Variants in NBEA observed in about 807,000 individuals in gnomAD.
NBEA encodes the protein lysosomal-trafficking regulator 2.
NBEA carries 44 observed loss-of-function variants against 343.4 expected under a neutral mutation model. That is an observed-to-expected ratio of 0.13 (90% CI 0.10 to 0.16). NBEA has a LOEUF of 0.16. Ranked by LOEUF, NBEA falls within the 10% of genes least tolerant of loss-of-function variation. The pLI, the probability that NBEA is intolerant of heterozygous loss-of-function variation, is 1.00. For missense variants in NBEA, 2,555 were observed against 3,631.3 expected (o/e 0.70, Z 7.62); for synonymous variants, 1,175 against 1,238.7 (o/e 0.95, Z 1.08).
chr13:34,943,979 G>C (rs887003534), intron 1 of NBEA, among the ~76,000 whole-genome samples: 9 of 152,176 alleles, frequency 5.9e-5, no homozygotes, highest in African/African-American at 1.4e-4. Flanking sequence ...AAGATGTCAG[G>C]GAAAGAAATG....
chr13:35,507,353 T>C (rs2077108840), intron 41 of NBEA, among the ~76,000 whole-genome samples: 1 of 152,130 alleles, frequency 6.6e-6, no homozygotes. Context: ...ATCTTATGGC[T>C]TAAATATCCT....
intron 41 of NBEA, among the ~76,000 whole-genome samples, chr13:35,508,632 A>G (rs376278810): frequency 1.3e-5 from 2 of 152,282 alleles, no homozygotes; most frequent in Admixed American, 6.5e-5. Flanking sequence ...GTGGTTGATA[A>G]CATTCATTCA....
At position 35,291,846 on chromosome 13, in the gene NBEA, A is replaced by G. The variant is rs188481226; in HGVS notation, c.5838+1396A>G. Among the ~76,000 whole-genome samples, 15 of 152,076 alleles carry G rather than the reference A, an allele frequency of 9.9e-5. No homozygotes were observed. In the East Asian group the frequency reaches 2.1e-3, roughly 22 times the overall value. ...AACTTTGCCTCAGATATTGATTGAAAGGAAGAGTGAGAAATTTAAGCTCTC... is the reference window on the plus strand; with the variant it reads ...AACTTTGCCTCAGATATTGATTGAAGGGAAGAGTGAGAAATTTAAGCTCTC... On this transcript the variant is annotated intron_variant, in intron 35 of 58. Transcript: ENST00000379939.
intron 44 of NBEA, among the ~76,000 whole-genome samples, chr13:35,564,781 C>T (rs1423046480): frequency 6.6e-6 from 1 of 152,190 alleles, no homozygotes; most frequent in Non-Finnish European, 1.5e-5. Context: ...ATCATTCTCT[C>T]TCATATATAC....
intron 18 of NBEA, 56 bp downstream of exon 18, chr13:35,142,433 T>C (rs2068141790): frequency 1.6e-6 from 2 of 1,242,858 alleles, no homozygotes; most frequent in Non-Finnish European, 2.3e-6. Flanking sequence ...GAAACCCTCT[T>C]AATCTATGCA....
intron 38 of NBEA, among the ~76,000 whole-genome samples, chr13:35,397,055 A>G (rs2042780888): frequency 6.6e-6 from 1 of 152,134 alleles, no homozygotes; most frequent in Admixed American, 6.6e-5. Flanking sequence ...TGTTTTCCTC[A>G]CACTGAAGCC....
intron 1 of NBEA, among the ~76,000 whole-genome samples, chr13:35,000,224 A>G (rs2152523687): frequency 6.6e-6 from 1 of 152,302 alleles, no homozygotes; most frequent in African/African-American, 2.4e-5. Context: ...CAAGAAGGGC[A>G]ATGAACCAGG....
intron 1 of NBEA, among the ~76,000 whole-genome samples, chr13:35,024,946 T>C (rs2061967470): frequency 6.6e-6 from 1 of 152,222 alleles, no homozygotes; most frequent in Non-Finnish European, 1.5e-5. Context: ...TGAGCAAATA[T>C]ACTTGTTGGC....
At chr13:35,102,943 C>T (rs1474932329) in intron 11 of NBEA, among the ~76,000 whole-genome samples, 2 of 151,674 alleles carry the variant, frequency 1.3e-5, no homozygotes, top group East Asian at 3.9e-4. Context: ...CCATCCCTGT[C>T]TTATTCCTGA....
intron 39 of NBEA, among the ~76,000 whole-genome samples, chr13:35,444,080 A>G (rs538792154): frequency 6.6e-6 from 1 of 152,084 alleles, no homozygotes; most frequent in Non-Finnish European, 1.5e-5. Context: ...TATTACTTTT[A>G]TCTCACAGAT....
intron 51 of NBEA, 85 bp downstream of exon 51, chr13:35,646,433 T>A (rs560805456): frequency 5.1e-6 from 5 of 989,222 alleles, no homozygotes; most frequent in Admixed American, 2.1e-5. Flanking sequence ...TTTAACAGCA[T>A]ATTTTAAAAG....
intron 38 of NBEA, among the ~76,000 whole-genome samples, chr13:35,427,834 C>T (rs936952472): frequency 6.6e-5 from 10 of 152,240 alleles, no homozygotes; most frequent in South Asian, 2.1e-4. Flanking sequence ...TCAGCAATGG[C>T]GGGCGCCCCT....
At chr13:35,540,079 G>T (rs2078750163) in intron 41 of NBEA, among the ~76,000 whole-genome samples, 1 of 151,752 alleles carries the variant, frequency 6.6e-6, no homozygotes, top group Non-Finnish European at 1.5e-5. Flanking sequence ...CTGTAATCTT[G>T]TTTCATTCTG....
Position 35,158,324 on chromosome 13 carries a change from A to G in NBEA, c.2845-692A>G, listed in dbSNP as rs1018325452. 3.3e-5 allele frequency among the ~76,000 whole-genome samples: 5 copies of G among 152,142 alleles called. No homozygotes were observed. In the South Asian group the frequency reaches 8.3e-4, roughly 25 times the overall value. On this transcript the variant is annotated intron_variant, in intron 21 of 58. Transcript: ENST00000379939. Reference sequence around the variant, plus strand: ...AGAAAGTCTGTGAACTTTAAAAAATATTAGAAAAGCTTTTGTTTCAATTAT... The same window carrying G: ...AGAAAGTCTGTGAACTTTAAAAAATGTTAGAAAAGCTTTTGTTTCAATTAT...
intron 26 of NBEA, 101 bp from the exon 27 acceptor site, chr13:35,173,363 G>A: frequency 1.9e-6 from 2 of 1,061,038 alleles, no homozygotes; most frequent in Non-Finnish European, 2.6e-6. Flanking sequence ...AGTTTATGAA[G>A]CAAGGGGAAA....
chr13:35,232,033 A>G (rs910735316), intron 33 of NBEA, among the ~76,000 whole-genome samples: 2 of 152,172 alleles, frequency 1.3e-5, no homozygotes, highest in African/African-American at 4.8e-5. Context: ...TTGGCAAAGC[A>G]TTCAACTGTA....
At chr13:34,996,276 A>G (rs539338386) in intron 1 of NBEA, among the ~76,000 whole-genome samples, 41 of 152,348 alleles carry the variant, frequency 2.7e-4, no homozygotes, top group African/African-American at 9.4e-4. Context: ...ATAAAATTGC[A>G]TAAAATTTTT....
intron 36 of NBEA, among the ~76,000 whole-genome samples, chr13:35,312,331 G>C (rs2037424517): frequency 6.6e-6 from 1 of 152,032 alleles, no homozygotes; most frequent in Non-Finnish European, 1.5e-5. Flanking sequence ...AGATCATTAG[G>C]AGACAGCCAA....
intron 31 of NBEA, among the ~76,000 whole-genome samples, chr13:35,204,484 C>T (rs898429674): frequency 3.9e-5 from 6 of 152,046 alleles, no homozygotes; most frequent in African/African-American, 7.2e-5. Flanking sequence ...TTCACTATCA[C>T]GAGAATAACA....
Sources: allele counts gnomAD v4.1 joint callset (sites outside exome capture counted in the v4.1 genomes callset), GRCh38; gene constraint gnomAD v4.1.1; transcripts MANE v1.5; gene names NCBI Gene and HGNC (gene_info 2026-07-23, HGNC 2026-07-21).